Variants in PACRG observed in about 807,000 individuals in gnomAD.
The protein encoded by PACRG is parkin coregulated.
A neutral mutation model predicts 29.7 loss-of-function variants in PACRG; 29 were observed. The observed-to-expected ratio is 0.98, with a 90% CI of 0.73 to 1.33. The LOEUF (loss-of-function observed/expected upper bound fraction) is 1.33, where lower values mean the gene tolerates loss of function less well. Among genes scored for constraint, PACRG ranks in the 40% most tolerant of loss-of-function variants. The pLI is 0.00. For missense variants in PACRG, 279 were observed against 316.2 expected, an observed-to-expected ratio of 0.88 and a Z score of 0.89; for synonymous variants, 116 against 118.7, an observed-to-expected ratio of 0.98 and a Z score of 0.15.
At chr6:163,144,183 C>A (rs373072173) in intron 4 of PACRG, among the ~76,000 whole-genome samples, 1 of 147,308 alleles carries the variant, frequency 6.8e-6, no homozygotes, top group African/African-American at 2.5e-5. Flanking sequence ...GAACCGAGAT[C>A]GCACCACTGC....
chr6:163,093,145 G>T (rs575144099), intron 4 of PACRG, among the ~76,000 whole-genome samples: 1 of 152,162 alleles, frequency 6.6e-6, no homozygotes, highest in Non-Finnish European at 1.5e-5. Context: ...TATGTGACTG[G>T]AGTTTAGGGA....
chr6:163,000,317 T>C (rs867103609), intron 2 of PACRG, among the ~76,000 whole-genome samples: 42 of 152,124 alleles, frequency 2.8e-4, no homozygotes, highest in African/African-American at 9.2e-4. Context: ...TCTTGCTGCA[T>C]TTTCTGTTTT....
Position 163,012,937 on chromosome 6 carries a change from A to G in PACRG, c.292-49213A>G, listed in dbSNP as rs546177172. Among the ~76,000 whole-genome samples the G allele has an allele frequency of 3.3e-5, 5 of 152,328 alleles. No individual in the cohort carries two copies. In the South Asian group the frequency reaches 1.0e-3, roughly 32 times the overall value. On this transcript the variant is annotated intron_variant, in intron 2 of 4. Transcript: ENST00000366888. ...AGCTGAACTTCCAAAACAGTAGCCA[A>G]TATCTATACATGGTTAATAAGCACT...
At chr6:162,860,251 T>G (rs1173341427) in intron 2 of PACRG, among the ~76,000 whole-genome samples, 1 of 152,230 alleles carries the variant, frequency 6.6e-6, no homozygotes, top group African/African-American at 2.4e-5. Context: ...ATACCTATTG[T>G]ATCTATAGAG....
At chr6:162,798,896 A>G (rs1345443791) in intron 1 of PACRG, among the ~76,000 whole-genome samples, 1 of 152,216 alleles carries the variant, frequency 6.6e-6, no homozygotes, top group African/African-American at 2.4e-5. Flanking sequence ...AAATTTTAGT[A>G]TCTAACATAT....
intron 2 of PACRG, among the ~76,000 whole-genome samples, chr6:162,830,823 A>G (rs547681112): frequency 2.4e-4 from 37 of 152,334 alleles, no homozygotes; most frequent in African/African-American, 8.9e-4. Flanking sequence ...GGACTGAGAC[A>G]TCCTGAGACA....
At chr6:163,262,871 C>A (rs367585042) in intron 4 of PACRG, among the ~76,000 whole-genome samples, 1 of 148,290 alleles carries the variant, frequency 6.7e-6, no homozygotes, top group East Asian at 2.0e-4. Context: ...GTGAGACCCC[C>A]CCCCCCATGT....
At chr6:162,980,285 A>G (rs1410631538) in intron 2 of PACRG, among the ~76,000 whole-genome samples, 1 of 152,154 alleles carries the variant, frequency 6.6e-6, no homozygotes, top group Non-Finnish European at 1.5e-5. Context: ...TCATAAATGT[A>G]TGCCTAATAC....
At chr6:162,732,670 G>T (rs1288659981) in intron 1 of PACRG, among the ~76,000 whole-genome samples, 2 of 152,206 alleles carry the variant, frequency 1.3e-5, no homozygotes, top group East Asian at 3.9e-4. Context: ...AAGGGACCAA[G>T]TGGCGATGAA....
chr6:163,114,081 C>A lies in PACRG; in HGVS notation c.613+24673C>A, dbSNP rs532471551. ...CCTGGCCAATATGGCAAAACCCTGT[C>A]TCTACTAAAAATATAAAAACTAGTT... On this transcript the variant is annotated intron_variant, in intron 4 of 4. Coordinates refer to ENST00000366888, the MANE Select transcript of PACRG (RefSeq NM_001080379.2). Among the ~76,000 whole-genome samples, 12 of 152,278 alleles carry A rather than the reference C, an allele frequency of 7.9e-5. No homozygotes were observed. In the East Asian group the frequency reaches 1.7e-3, roughly 22 times the overall value.
At chr6:162,806,752 G>T (rs985382339) in intron 1 of PACRG, among the ~76,000 whole-genome samples, 1 of 152,132 alleles carries the variant, frequency 6.6e-6, no homozygotes, top group Non-Finnish European at 1.5e-5. Flanking sequence ...AACTTTTTAA[G>T]TGCTCAGTGA....
At chr6:162,854,164 C>CT (rs1311059488) in intron 2 of PACRG, among the ~76,000 whole-genome samples, 3 of 73,698 alleles carry the variant, frequency 4.1e-5, no homozygotes, top group Non-Finnish European at 5.6e-5. Flanking sequence ...CATTTTCTTT[C>CT]TGTTTTTTTT....
At chr6:162,905,206 G>A (rs558655021) in intron 2 of PACRG, among the ~76,000 whole-genome samples, 1 of 152,258 alleles carries the variant, frequency 6.6e-6, no homozygotes, top group African/African-American at 2.4e-5. Context: ...ATTCAGTTGA[G>A]GATGCATTAG....
chr6:163,249,395 T>G (rs1272596368), intron 4 of PACRG, among the ~76,000 whole-genome samples: 1 of 152,182 alleles, frequency 6.6e-6, no homozygotes, highest in African/African-American at 2.4e-5. Flanking sequence ...TTAAATTCAT[T>G]TGTTACATTT....
chr6:163,124,203 A>G (rs955084946), intron 4 of PACRG, among the ~76,000 whole-genome samples: 1 of 152,180 alleles, frequency 6.6e-6, no homozygotes, highest in Non-Finnish European at 1.5e-5. Flanking sequence ...ACTCCTTATC[A>G]CATACATGGT....
At chr6:163,193,826 G>C (rs1780325190) in intron 4 of PACRG, among the ~76,000 whole-genome samples, 1 of 151,114 alleles carries the variant, frequency 6.6e-6, no homozygotes. Flanking sequence ...ACATATTGGA[G>C]AAAACATAGA....
intron 2 of PACRG, among the ~76,000 whole-genome samples, chr6:162,995,099 C>G (rs1328062296): frequency 6.6e-6 from 1 of 151,114 alleles, no homozygotes; most frequent in Non-Finnish European, 1.5e-5. Flanking sequence ...TCCGCCCGTT[C>G]TCAGATCTCC....
chr6:163,161,391 G>C (rs766256905), intron 4 of PACRG, among the ~76,000 whole-genome samples: 1 of 152,098 alleles, frequency 6.6e-6, no homozygotes, highest in African/African-American at 2.4e-5. Flanking sequence ...TTGGTTTACT[G>C]TGTAATGTGA....
chr6:163,259,578 C>T (rs910238386), intron 4 of PACRG, among the ~76,000 whole-genome samples: 5 of 152,184 alleles, frequency 3.3e-5, no homozygotes, highest in African/African-American at 1.2e-4. Context: ...TCTTCGGCTC[C>T]ACTGGTCATT....
Sources: allele counts gnomAD v4.1 joint callset (sites outside exome capture counted in the v4.1 genomes callset), GRCh38; gene constraint gnomAD v4.1.1; transcripts MANE v1.5; gene names NCBI Gene and HGNC (gene_info 2026-07-23, HGNC 2026-07-21).